Variants in VPS13A observed in about 807,000 individuals in gnomAD.
VPS13A encodes intermembrane lipid transfer protein VPS13A.
Under a neutral mutation model 390.9 loss-of-function variants are expected in VPS13A, and 264 were observed. That is an observed-to-expected ratio of 0.68 (90% CI 0.61 to 0.75). The LOEUF (loss-of-function observed/expected upper bound fraction) is 0.75, where lower values mean the gene tolerates loss of function less well. Among genes scored for constraint, VPS13A ranks in the 30% least tolerant of loss-of-function variants. VPS13A has a pLI of 0.00. For missense variants in VPS13A, 3,409 were observed against 3,733.9 expected (o/e 0.91, Z 2.27); for synonymous variants, 1,231 against 1,227.1 (o/e 1.00, Z -0.07).
intron 52 of VPS13A, among the ~76,000 whole-genome samples, chr9:77,347,211 G>A (rs959670169): frequency 2.0e-5 from 3 of 151,990 alleles, no homozygotes; most frequent in African/African-American, 7.3e-5. Context: ...TTTTTTTCTA[G>A]TTCTGTGAAG....
chr9:77,210,598 ACTTT>A lies in VPS13A; in HGVS notation c.496-12_496-9del, dbSNP rs764115216. On this transcript the variant is annotated splice_polypyrimidine_tract_variant and intron_variant, in intron 6 of 71. Transcript: ENST00000360280. Reference sequence around the variant, plus strand: ...ACTACTAAAAATCTGAATAAATTTTACTTTCTTTCCTCTTTAGATCACAAATCGG... The same window carrying A: ...ACTACTAAAAATCTGAATAAATTTTACTTTCCTCTTTAGATCACAAATCGG... 2 of 1,612,072 alleles carry A rather than the reference ACTTT, an allele frequency of 1.2e-6. No individual in the cohort carries two copies. The highest frequency in any genetic ancestry group is 2.2e-5 in the East Asian group (1 of 44,854).
chr9:77,371,430 A>G (rs1181399445), intron 67 of VPS13A, among the ~76,000 whole-genome samples: 1 of 152,064 alleles, frequency 6.6e-6, no homozygotes, highest in Non-Finnish European at 1.5e-5. Context: ...GAGAAGAAAA[A>G]AGGGAACCAA....
At chr9:77,408,337 A>G (rs1259437254) in intron 71 of VPS13A, among the ~76,000 whole-genome samples, 2 of 152,226 alleles carry the variant, frequency 1.3e-5, no homozygotes, top group East Asian at 3.8e-4. Flanking sequence ...GAATAGGAAA[A>G]GCTCCAGTCT....
intron 23 of VPS13A, among the ~76,000 whole-genome samples, chr9:77,266,568 A>C (rs2131308982): frequency 6.7e-6 from 1 of 150,056 alleles, no homozygotes; most frequent in East Asian, 1.9e-4. Context: ...GGGTAACCTG[A>C]CGTTTCTCTG....
At chr9:77,325,588 C>A (rs1829975676) in intron 45 of VPS13A, among the ~76,000 whole-genome samples, 1 of 150,566 alleles carries the variant, frequency 6.6e-6, no homozygotes, top group Non-Finnish European at 1.5e-5. Context: ...ATTAATTGAG[C>A]ATTTTTGTTA....
At chr9:77,343,137 C>T (rs1425650404) in intron 50 of VPS13A, among the ~76,000 whole-genome samples, 2 of 152,114 alleles carry the variant, frequency 1.3e-5, no homozygotes, top group Non-Finnish European at 2.9e-5. Context: ...CAAGGAAGGC[C>T]TCTGCCAAAA....
chr9:77,339,313 C>CA (rs1328457183), intron 47 of VPS13A: 49 of 575,398 alleles, frequency 8.5e-5, no homozygotes, highest in Non-Finnish European at 1.4e-4. Context: ...TTTACAAATA[C>CA]AGTAGCTCAA....
At chr9:77,367,681 T>C (rs920168223) in intron 61 of VPS13A, among the ~76,000 whole-genome samples, 2 of 152,234 alleles carry the variant, frequency 1.3e-5, no homozygotes, top group Admixed American at 1.3e-4. Flanking sequence ...TGGCCATTCG[T>C]GAGCAACCTC....
chr9:77,278,943 C>T (rs1449406288), intron 26 of VPS13A, among the ~76,000 whole-genome samples: 1 of 152,172 alleles, frequency 6.6e-6, no homozygotes, highest in Non-Finnish European at 1.5e-5. Flanking sequence ...TGCAGATGGG[C>T]AGGTGCAGAG....
chr9:77,400,283 A>G (rs1587721405), intron 68 of VPS13A, among the ~76,000 whole-genome samples: 1 of 65,244 alleles, frequency 1.5e-5, no homozygotes, highest in Non-Finnish European at 3.2e-5. Flanking sequence ...ACATTTTTCT[A>G]CTGCTTTACT....
chr9:77,344,937 T>C, intron 51 of VPS13A, 72 bp from the exon 52 acceptor site: 1 of 1,522,666 alleles, frequency 6.6e-7, no homozygotes. Flanking sequence ...GAATAGTCTG[T>C]TCTTAAATGT....
intron 68 of VPS13A, among the ~76,000 whole-genome samples, chr9:77,388,587 C>T (rs1270928486): frequency 6.6e-6 from 1 of 152,080 alleles, no homozygotes; most frequent in Admixed American, 6.6e-5. Flanking sequence ...TTCTTCATTG[C>T]TTACACATGT....
intron 34 of VPS13A, among the ~76,000 whole-genome samples, chr9:77,303,671 G>A (rs1161015240): frequency 6.6e-6 from 1 of 152,074 alleles, no homozygotes; most frequent in Non-Finnish European, 1.5e-5. Flanking sequence ...ATAAGGAGAA[G>A]GTCAGCAAAA....
At chr9:77,278,986 G>A (rs939013991) in intron 26 of VPS13A, among the ~76,000 whole-genome samples, 2 of 152,192 alleles carry the variant, frequency 1.3e-5, no homozygotes, top group Non-Finnish European at 2.9e-5. Context: ...TCCGGCCCCA[G>A]GACAGCATCT....
chr9:77,361,545 T>A (rs768164830), intron 59 of VPS13A, among the ~76,000 whole-genome samples: 2 of 152,150 alleles, frequency 1.3e-5, no homozygotes, highest in African/African-American at 4.8e-5. Flanking sequence ...TAATGAATAC[T>A]GGTGTACAAG....
chr9:77,374,904 T>C (rs540181254), intron 67 of VPS13A, among the ~76,000 whole-genome samples: 2 of 152,156 alleles, frequency 1.3e-5, no homozygotes, highest in South Asian at 2.1e-4. Context: ...TGCTTTCTGC[T>C]CTATAGGGAT....
intron 20 of VPS13A, among the ~76,000 whole-genome samples, chr9:77,248,432 A>G (rs562462418): frequency 1.3e-4 from 20 of 151,548 alleles, no homozygotes; most frequent in African/African-American, 4.8e-4. Context: ...GTTAGCCAGG[A>G]TGGTCTCGAT....
intron 47 of VPS13A, chr9:77,339,170 C>T (rs1241002044): frequency 2.1e-5 from 5 of 235,062 alleles, no homozygotes; most frequent in East Asian, 1.1e-4. Context: ...ATAAAAATCA[C>T]GAGTGGTTAA....
At chr9:77,335,919 C>T (rs963440929) in intron 46 of VPS13A, among the ~76,000 whole-genome samples, 3 of 152,156 alleles carry the variant, frequency 2.0e-5, no homozygotes, top group Admixed American at 6.5e-5. Context: ...ATGTTTATTG[C>T]AGCACTGTTC....
Sources: gnomAD v4.1 joint callset for allele counts (sites outside exome capture counted in the v4.1 genomes callset) on GRCh38, gnomAD v4.1.1 for gene constraint, MANE v1.5 for transcripts, NCBI Gene and HGNC (gene_info 2026-07-23, HGNC 2026-07-21) for gene names.